IL1RAP: variants seen among roughly 807,000 people sequenced by gnomAD.
The protein encoded by IL1RAP is interleukin 1 receptor accessory protein.
A neutral mutation model predicts 60.7 loss-of-function variants in IL1RAP; 35 were observed. The ratio of observed to expected loss-of-function variants is 0.58; its 90% CI spans 0.44 to 0.76. The LOEUF (loss-of-function observed/expected upper bound fraction) is 0.76. Among genes scored for constraint, IL1RAP ranks in the 30% least tolerant of loss-of-function variants. The pLI, the probability that IL1RAP is intolerant of heterozygous loss-of-function variation, is 0.00. For synonymous variants in IL1RAP, 268 were observed against 250.9 expected, an observed-to-expected ratio of 1.07 and a Z score of -0.64; for missense variants, 572 against 693.9, an observed-to-expected ratio of 0.82 and a Z score of 1.97.
intron 4 of IL1RAP, among the ~76,000 whole-genome samples, chr3:190,606,069 CTG>C (rs1448745425): frequency 6.6e-6 from 1 of 152,132 alleles, no homozygotes; most frequent in Non-Finnish European, 1.5e-5. Flanking sequence ...CTTTGGATCA[CTG>C]TGTTCTTGGG....
At chr3:190,654,190 T>TCACACACACA (rs57074064), downstream of IL1RAP, among the ~76,000 whole-genome samples, 9,039 of 140,398 alleles carry the variant, frequency 0.064, 342 homozygotes, top group East Asian at 0.098. Flanking sequence ...AAACATCATA[T>TCACACACACA]CACACACACA....
At position 190,650,048 on chromosome 3, in the gene IL1RAP, A is replaced by T; in HGVS notation, c.*1343A>T. The T allele has an allele frequency of 1.6e-6, 1 of 619,740 alleles. No homozygotes were observed. Among genetic ancestry groups the T allele is most frequent in the Non-Finnish European group, 2.0e-6 (1 of 497,092 alleles). 38.4% of individuals were successfully genotyped at this position (619,740 alleles called of 1,614,324 possible). A position where few individuals can be genotyped will look rare whatever the true frequency, so the allele number is the denominator to read the frequency against. On this transcript the variant is annotated 3_prime_UTR_variant, in exon 12 of 12. Coordinates refer to ENST00000447382, the MANE Select transcript of IL1RAP (RefSeq NM_002182.4). ...TACATATATCTGTGTATATAAATCCACATGCACATGAAATATATATATATA... is the reference window on the plus strand; with the variant it reads ...TACATATATCTGTGTATATAAATCCTCATGCACATGAAATATATATATATA...
In IL1RAP at chr3:190,648,882, G is replaced by A. The variant is rs1171226950; in HGVS notation, c.*177G>A. 1 of 1,396,158 alleles carries A rather than the reference G, an allele frequency of 7.2e-7. No homozygotes were observed. Among genetic ancestry groups the A allele is most frequent in the African/African-American group, 1.5e-5 (1 of 68,666 alleles). The allele number at this position is 1,396,158 out of a possible 1,614,324, so 86.5% of individuals were successfully genotyped here. On this transcript the variant is annotated 3_prime_UTR_variant, in exon 12 of 12. Coordinates refer to ENST00000447382, the MANE Select transcript of IL1RAP (RefSeq NM_002182.4). ...TTCTGCTTCCTCAGGCAACACTAAA[G>A]TTTAGAAAGATATCATCAACGTTCT...
intron 5 of IL1RAP, among the ~76,000 whole-genome samples, chr3:190,612,634 G>C (rs1433466548): frequency 6.6e-6 from 1 of 151,684 alleles, no homozygotes; most frequent in Non-Finnish European, 1.5e-5. Context: ...GATTTACTAT[G>C]GTTTGACTTA....
At chr3:190,643,297 A>G (rs1252561858) in intron 9 of IL1RAP, among the ~76,000 whole-genome samples, 1 of 152,346 alleles carries the variant, frequency 6.6e-6, no homozygotes, top group African/African-American at 2.4e-5. Context: ...GAAACTAAAA[A>G]GAGAAAGGAC....
chr3:190,517,075 G>T (rs1334536810), intron 1 of IL1RAP, among the ~76,000 whole-genome samples: 1 of 152,138 alleles, frequency 6.6e-6, no homozygotes, highest in East Asian at 1.9e-4. Flanking sequence ...TTGTTGAAAA[G>T]CAGGTATTTT....
At chr3:190,533,676 G>A (rs1218980015) in intron 1 of IL1RAP, among the ~76,000 whole-genome samples, 6 of 152,088 alleles carry the variant, frequency 3.9e-5, no homozygotes, top group South Asian at 2.1e-4. Flanking sequence ...ACCAGAGCAC[G>A]TGGGAGGTGC....
At chr3:190,599,211 C>G (rs1472016399) in intron 3 of IL1RAP, among the ~76,000 whole-genome samples, 1 of 152,120 alleles carries the variant, frequency 6.6e-6, no homozygotes, top group Admixed American at 6.5e-5. Flanking sequence ...GAATTAGAAT[C>G]CCTATTCCCA....
Position 190,638,855 on chromosome 3 carries a change from C to G in IL1RAP, c.1052-5393C>G, listed in dbSNP as rs561329071. On this transcript the variant is annotated intron_variant, in intron 9 of 11. Transcript: ENST00000447382. ...CTTTCTCATTATGTTTCTCTGGTGCCTTTGTCAATATTTTCACAGGATATG... is the reference window on the plus strand; with the variant it reads ...CTTTCTCATTATGTTTCTCTGGTGCGTTTGTCAATATTTTCACAGGATATG... Among the ~76,000 whole-genome samples, 19 of 152,088 alleles carry G rather than the reference C, an allele frequency of 1.2e-4. No homozygotes were observed. The South Asian group carries it at 3.3e-3, about 27-fold the overall frequency.
intron 2 of IL1RAP, among the ~76,000 whole-genome samples, chr3:190,558,814 GT>G (rs1433187135): frequency 6.6e-6 from 1 of 152,142 alleles, no homozygotes; most frequent in African/African-American, 2.4e-5. Context: ...ACTTCTCTAT[GT>G]TGAGTTTCTC....
At chr3:190,585,516 CAT>C (rs1371676311) in intron 3 of IL1RAP, among the ~76,000 whole-genome samples, 2 of 152,146 alleles carry the variant, frequency 1.3e-5, no homozygotes, top group African/African-American at 2.4e-5. Flanking sequence ...TAATCATTAA[CAT>C]GTGTCACTTT....
At chr3:190,614,317 T>G (rs956462851) in intron 5 of IL1RAP, among the ~76,000 whole-genome samples, 1 of 151,850 alleles carries the variant, frequency 6.6e-6, no homozygotes, top group African/African-American at 2.4e-5. Flanking sequence ...ATCTGAAAGA[T>G]GAAAGCTGCT....
chr3:190,616,273 A>G (rs937751430), intron 5 of IL1RAP, among the ~76,000 whole-genome samples: 3 of 152,248 alleles, frequency 2.0e-5, no homozygotes, highest in Admixed American at 2.0e-4. Flanking sequence ...GTAAGTAGTG[A>G]CCACTCTTTT....
At chr3:190,567,173 C>T (rs1255518037) in intron 3 of IL1RAP, among the ~76,000 whole-genome samples, 1 of 152,070 alleles carries the variant, frequency 6.6e-6, no homozygotes, top group Non-Finnish European at 1.5e-5. Context: ...TTCTGACTTC[C>T]GATCATGATT....
intron 7 of IL1RAP, among the ~76,000 whole-genome samples, 169 bp from the exon 8 acceptor site, chr3:190,627,154 G>T (rs946663229): frequency 5.3e-5 from 8 of 152,072 alleles, no homozygotes; most frequent in African/African-American, 1.4e-4. Flanking sequence ...TCATAAGCAG[G>T]GTTTCAGGTA....
chr3:190,574,730 G>T (rs190694496), intron 3 of IL1RAP, among the ~76,000 whole-genome samples: 1 of 152,228 alleles, frequency 6.6e-6, no homozygotes, highest in East Asian at 1.9e-4. Flanking sequence ...TTTGATTGTG[G>T]TCTCACTCCA....
At chr3:190,570,588 C>T (rs573475181) in intron 3 of IL1RAP, among the ~76,000 whole-genome samples, 23 of 151,688 alleles carry the variant, frequency 1.5e-4, no homozygotes, top group African/African-American at 3.6e-4. Flanking sequence ...TTTTTTGAGA[C>T]GGAGCTTCGC....
At chr3:190,563,094 AT>A (rs1157602301) in intron 2 of IL1RAP, among the ~76,000 whole-genome samples, 2 of 152,216 alleles carry the variant, frequency 1.3e-5, no homozygotes, top group African/African-American at 4.8e-5. Flanking sequence ...TGTAGTTTAT[AT>A]CTTTTGTTAT....
intron 11 of IL1RAP, among the ~76,000 whole-genome samples, chr3:190,647,867 T>C (rs1734145889): frequency 6.6e-6 from 1 of 152,180 alleles, no homozygotes; most frequent in African/African-American, 2.4e-5. Flanking sequence ...AAATTCTATT[T>C]TTTTGATTAT....
Sources: allele counts gnomAD v4.1 joint callset (sites outside exome capture counted in the v4.1 genomes callset), GRCh38; gene constraint gnomAD v4.1.1; transcripts MANE v1.5; gene names NCBI Gene and HGNC (gene_info 2026-07-23, HGNC 2026-07-21).